The following CRPPA variants were observed in gnomAD, a reference collection of about 807,000 sequenced individuals.
CRPPA encodes CDP-L-ribitol pyrophosphorylase A, also known as D-ribitol-5-phosphate cytidylyltransferase.
Under a neutral mutation model 52.0 loss-of-function variants are expected in CRPPA, and 43 were observed. The ratio of observed to expected loss-of-function variants is 0.83; its 90% CI spans 0.65 to 1.07. CRPPA has a LOEUF of 1.07. CRPPA is among the 50% of genes least tolerant of loss of function. CRPPA has a pLI of 0.00. For missense variants in CRPPA, 629 were observed against 551.7 expected (o/e 1.14, Z -1.40); for synonymous variants, 250 against 203.5 (o/e 1.23, Z -1.94).
chr7:16,348,403 G>A (rs1353896555), intron 3 of CRPPA, among the ~76,000 whole-genome samples: 1 of 152,072 alleles, frequency 6.6e-6, no homozygotes, highest in Admixed American at 6.5e-5. Flanking sequence ...GTAGAGAAAG[G>A]GCTCAAAAAC....
chr7:16,302,659 A>T (rs1418896941), intron 4 of CRPPA, among the ~76,000 whole-genome samples: 1 of 152,154 alleles, frequency 6.6e-6, no homozygotes, highest in East Asian at 1.9e-4. Context: ...CAGAAGCACA[A>T]TCAAATAAAA....
intron 9 of CRPPA, among the ~76,000 whole-genome samples, chr7:16,127,957 A>G (rs573861238): frequency 7.2e-4 from 110 of 152,264 alleles, no homozygotes; most frequent in Admixed American, 2.2e-3. Context: ...AGTTCATGCA[A>G]TTTTTGAGGC....
intron 3 of CRPPA, among the ~76,000 whole-genome samples, chr7:16,363,261 A>G (rs778891363): frequency 2.0e-5 from 3 of 152,182 alleles, no homozygotes; most frequent in Non-Finnish European, 4.4e-5. Context: ...AAATGACCCA[A>G]CTCATTTTAT....
At chr7:16,392,298 T>C (rs1197481712) in intron 2 of CRPPA, among the ~76,000 whole-genome samples, 1 of 152,088 alleles carries the variant, frequency 6.6e-6, no homozygotes, top group Non-Finnish European at 1.5e-5. Flanking sequence ...CAAACCAAAA[T>C]AGAAATGTCA....
chr7:16,310,343 T>A (rs530701597), intron 3 of CRPPA, among the ~76,000 whole-genome samples: 13 of 152,178 alleles, frequency 8.5e-5, no homozygotes, highest in Admixed American at 2.6e-4. Flanking sequence ...AGCCCAGTTA[T>A]GCTATAGAGA....
At chr7:16,386,809 T>C (rs967804525) in intron 2 of CRPPA, among the ~76,000 whole-genome samples, 12 of 151,780 alleles carry the variant, frequency 7.9e-5, no homozygotes, top group Non-Finnish European at 1.6e-4. Flanking sequence ...TCACTTGAGA[T>C]AAGGAGTTTG....
intron 8 of CRPPA, among the ~76,000 whole-genome samples, chr7:16,236,395 A>C (rs1782950799): frequency 6.6e-6 from 1 of 152,154 alleles, no homozygotes; most frequent in Non-Finnish European, 1.5e-5. Flanking sequence ...TTGAGCATTT[A>C]AGTAAAATTA....
intron 5 of CRPPA, among the ~76,000 whole-genome samples, chr7:16,296,124 C>T (rs1225010095): frequency 1.3e-5 from 2 of 152,032 alleles, no homozygotes; most frequent in Admixed American, 6.6e-5. Flanking sequence ...CATGTTTCTT[C>T]AAATAGTTTA....
At chr7:16,380,682 T>G (rs1787060937) in intron 2 of CRPPA, among the ~76,000 whole-genome samples, 2 of 152,248 alleles carry the variant, frequency 1.3e-5, no homozygotes, top group Non-Finnish European at 1.5e-5. Flanking sequence ...GTTATTGGTC[T>G]ACTCAGCGAT....
intron 6 of CRPPA, among the ~76,000 whole-genome samples, chr7:16,260,075 A>C (rs1783755206): frequency 6.6e-6 from 1 of 152,038 alleles, no homozygotes; most frequent in Non-Finnish European, 1.5e-5. Flanking sequence ...TAACACCACA[A>C]TAAAAAAAGA....
At chr7:16,393,615 C>T (rs1267194009) in intron 2 of CRPPA, among the ~76,000 whole-genome samples, 1 of 152,034 alleles carries the variant, frequency 6.6e-6, no homozygotes, top group Non-Finnish European at 1.5e-5. Context: ...AAAATTATAA[C>T]ACATTTTTTA....
rs373400985 is a variant in CRPPA at position 16,123,900 on chromosome 7, T to C, written c.1252-32101A>G. Among the ~76,000 whole-genome samples the C allele has an allele frequency of 5.1e-4, 77 of 152,308 alleles. 1 individual carries two copies. The highest frequency in any genetic ancestry group is 1.7e-3 in the African/African-American group (71 of 41,582). On this transcript the variant is annotated intron_variant, in intron 9 of 9. Transcript: ENST00000407010. ...AAACAACATTCATCCTATTTCTTAA[T>C]TGCTACTCATCGCTTTTCAAAACCC...
chr7:16,397,362 CGT>C (rs925385908), intron 2 of CRPPA, among the ~76,000 whole-genome samples: 1 of 152,186 alleles, frequency 6.6e-6, no homozygotes, highest in Non-Finnish European at 1.5e-5. Context: ...AGGTGACTGA[CGT>C]GTGTAACACG....
intron 9 of CRPPA, among the ~76,000 whole-genome samples, chr7:16,197,879 G>A (rs942547229): frequency 8.7e-5 from 13 of 150,130 alleles, no homozygotes; most frequent in African/African-American, 3.2e-4. Context: ...TCTGAAATGT[G>A]TGCTGTGTCA....
chr7:16,352,586 T>C (rs193232723), intron 3 of CRPPA, among the ~76,000 whole-genome samples: 1 of 152,250 alleles, frequency 6.6e-6, no homozygotes, highest in Admixed American at 6.5e-5. Flanking sequence ...TTTCATTTGA[T>C]AACAGCCAAT....
At chr7:16,316,186 C>T (rs2128426326) in intron 3 of CRPPA, among the ~76,000 whole-genome samples, 1 of 152,056 alleles carries the variant, frequency 6.6e-6, no homozygotes, top group African/African-American at 2.4e-5. Flanking sequence ...GAAGAAAAAC[C>T]TCAAGATGAT....
chr7:16,094,406 T>C (rs1781895030), intron 9 of CRPPA, among the ~76,000 whole-genome samples: 1 of 152,154 alleles, frequency 6.6e-6, no homozygotes, highest in Non-Finnish European at 1.5e-5. Context: ...CAAAATTTCC[T>C]ATCTCTAGAA....
rs192635603 is a variant in CRPPA at position 16,363,770 on chromosome 7, A to G, written c.684+12322T>C. Among the ~76,000 whole-genome samples, 1,011 of 152,242 alleles carry G rather than the reference A, an allele frequency of 6.6e-3. 11 individuals are homozygous for G. The highest frequency in any genetic ancestry group is 0.023 in the African/African-American group (961 of 41,542). On this transcript the variant is annotated intron_variant, in intron 3 of 9. Coordinates refer to ENST00000407010, the MANE Select transcript of CRPPA (RefSeq NM_001101426.4). ...GATAAATAAATAAGGACCAGTGGGGAAAAAAACACAAATATGTCGTTATTG... is the reference window on the plus strand; with the variant it reads ...GATAAATAAATAAGGACCAGTGGGGGAAAAAACACAAATATGTCGTTATTG...
intron 2 of CRPPA, among the ~76,000 whole-genome samples, chr7:16,385,937 C>T (rs754685263): frequency 6.6e-6 from 1 of 152,128 alleles, no homozygotes; most frequent in African/African-American, 2.4e-5. Flanking sequence ...GGGGTGGGTA[C>T]CCATGACTCC....
Sources: allele counts gnomAD v4.1 joint callset (sites outside exome capture counted in the v4.1 genomes callset), GRCh38; gene constraint gnomAD v4.1.1; transcripts MANE v1.5; gene names NCBI Gene and HGNC (gene_info 2026-07-23, HGNC 2026-07-21).